Variants in WFS1 observed in about 807,000 individuals in gnomAD.
WFS1 encodes the protein wolframin.
WFS1 carries 90 observed loss-of-function variants against 68.5 expected under a neutral mutation model. The ratio of observed to expected loss-of-function variants is 1.31; its 90% CI spans 1.11 to 1.56. WFS1 has a LOEUF of 1.56. Ranked by LOEUF, WFS1 falls within the 40% of genes most tolerant of loss-of-function variation. The pLI, the probability that WFS1 is intolerant of heterozygous loss-of-function variation, is 0.00. For missense variants in WFS1, 1,767 were observed against 1,232.6 expected (o/e 1.43, Z -6.49); for synonymous variants, 860 against 540.7 (o/e 1.59, Z -8.19).
chr4:6,281,096 G>T (rs1002720615), intron 2 of WFS1, among the ~76,000 whole-genome samples: 1 of 152,182 alleles, frequency 6.6e-6, no homozygotes, highest in Admixed American at 6.5e-5. Flanking sequence ...AGCCATTGGG[G>T]GTAGGGGGAT....
In WFS1 at chr4:6,301,110, T is replaced by C. The variant is rs763469547; in HGVS notation, c.1315T>C (p.Phe439Leu). Residue 439 changes from phenylalanine (F) to leucine (L), a missense_variant, in exon 8 of 8, where the codon TTT becomes CTT. Transcript: ENST00000226760. ...CSELAVITGF[F>L]TVTSYLSLST... ...GGAGCTGGCTGTCATCACCGGCTTC[T>C]TTACCGTGACCAGCTACCTGAGCCT... is the stretch of plus-strand genomic sequence containing the variant. The C allele has an allele frequency of 5.0e-6, 8 of 1,613,812 alleles. No homozygotes were observed. Among genetic ancestry groups the C allele is most frequent in the Non-Finnish European group, 6.8e-6 (8 of 1,180,026 alleles).
intron 4 of WFS1, among the ~76,000 whole-genome samples, chr4:6,290,658 G>A (rs1730434755): frequency 6.6e-6 from 1 of 152,206 alleles, no homozygotes; most frequent in African/African-American, 2.4e-5. Context: ...GGCCGTTGGG[G>A]GTAAAGGGAG....
Position 6,301,049 on chromosome 4 carries a change from C to T in WFS1, c.1254C>T (p.Ser418=), listed in dbSNP as rs978741400. ...TCTCTGTCTTCTTCGTCATCTTCTC[C>T]TTCCCCATCGCCAGCAAGGACTGCA... is the stretch of plus-strand genomic sequence containing the variant. ...FLLSVFFVIF[S]FPIASKDCIP... is the part of the protein sequence containing the mutation. The change falls in exon 8 of 8, where the codon TCC becomes TCT. Residue 418 remains serine, a synonymous_variant. Coordinates refer to ENST00000226760, the MANE Select transcript of WFS1 (RefSeq NM_006005.3). 8.7e-6 allele frequency: 14 copies of T among 1,614,188 alleles called. No individual in the cohort carries two copies. The highest frequency in any genetic ancestry group is 1.6e-4 in the Middle Eastern group (1 of 6,062).
In WFS1 at chr4:6,288,951, G is replaced by A. The variant is rs71530913; in HGVS notation, c.316-36G>A. 1.8e-3 allele frequency: 2,912 copies of A among 1,600,596 alleles called. 4 individuals are homozygous for A. Among genetic ancestry groups the A allele is most frequent in the Non-Finnish European group, 2.3e-3 (2,735 of 1,174,204 alleles). On this transcript the variant is annotated intron_variant, in intron 3 of 7. Transcript: ENST00000226760. ...AGGGAGCATGGGGTGGGAGAGGGTCGGAGAATCTGGAGGCTGACTGGTGTC... is the reference window on the plus strand; with the variant it reads ...AGGGAGCATGGGGTGGGAGAGGGTCAGAGAATCTGGAGGCTGACTGGTGTC...
chr4:6,274,400 T>TAATC (rs1673738922), intron 1 of WFS1, among the ~76,000 whole-genome samples: 1 of 151,996 alleles, frequency 6.6e-6, no homozygotes, highest in South Asian at 2.1e-4. Context: ...GCCACACACG[T>TAATC]AATCCCCATA....
rs1730889704 is a variant in WFS1 at position 6,301,225 on chromosome 4, ATTGGCCCTACCTGAAGGTCC to A, written c.1437_1456del (p.Tyr480AspfsTer56). On this transcript the variant is annotated frameshift_variant, in exon 8 of 8. Coordinates refer to ENST00000226760, the MANE Select transcript of WFS1 (RefSeq NM_006005.3). LOFTEE classifies it high-confidence loss of function. ...TCGCTGCTGCCCTCCATGCCCTTGAATTGGCCCTACCTGAAGGTCCTTGGCCAGACCTTCATCACCGTGCC... is the reference window on the plus strand; with the variant it reads ...TCGCTGCTGCCCTCCATGCCCTTGAATTGGCCAGACCTTCATCACCGTGCC... 6.2e-7 allele frequency: 1 copy of A among 1,611,858 alleles called. No homozygotes were observed. The highest frequency in any genetic ancestry group is 1.3e-5 in the African/African-American group (1 of 74,928).
rs1269881078 is a variant in WFS1 at position 6,301,859 on chromosome 4, C to T, written c.2064C>T (p.Ile688=). The change falls in exon 8 of 8, where the codon ATC becomes ATT. Residue 688 remains isoleucine (I), a synonymous_variant. Coordinates refer to ENST00000226760, the MANE Select transcript of WFS1 (RefSeq NM_006005.3). ...WKETNMARTQ[I]LCSHLEGHRV... is the part of the protein sequence containing the mutation. ...AGACCAACATGGCGCGCACCCAGAT[C>T]CTCTGCAGCCACCTGGAGGGCCACA... 3.7e-6 allele frequency: 6 copies of T among 1,613,022 alleles called. No homozygotes were observed. Among genetic ancestry groups the T allele is most frequent in the Admixed American group, 3.3e-5 (2 of 60,030 alleles).
rs772392224 is a variant in WFS1 at position 6,300,810 on chromosome 4, G to A, written c.1015G>A (p.Asp339Asn). 1.2e-5 allele frequency: 19 copies of A among 1,613,912 alleles called. No homozygotes were observed. Among genetic ancestry groups the A allele is most frequent in the East Asian group, 6.7e-5 (3 of 44,860 alleles). ...CTTCATCGTCAGCAACCTCACCATC[G>A]ACTTCTTCGCCTTCTTCATCCCGCT... Reference protein sequence around the residue: ...FFFIVSNLTIDFFAFFIPLVI... With the variant: ...FFFIVSNLTINFFAFFIPLVI... The change falls in exon 8 of 8, where the codon GAC (aspartate) becomes AAC (asparagine). Residue 339 changes from aspartate to asparagine, a missense_variant. By Grantham distance (23) the Asp-to-Asn change is conservative. Transcript: ENST00000226760.
Position 6,301,215 on chromosome 4 carries a change from A to C in WFS1, c.1420A>C (p.Met474Leu), listed in dbSNP as rs773814197. 3 of 1,611,834 alleles carry C rather than the reference A, an allele frequency of 1.9e-6. No individual in the cohort carries two copies. The highest frequency in any genetic ancestry group is 2.7e-5 in the African/African-American group (2 of 74,872). Reference sequence around the variant, plus strand: ...CGGCCTGCTATCGCTGCTGCCCTCCATGCCCTTGAATTGGCCCTACCTGAA... The same window carrying C: ...CGGCCTGCTATCGCTGCTGCCCTCCCTGCCCTTGAATTGGCCCTACCTGAA... ...TAGLLSLLPS[M>L]PLNWPYLKVL... Residue 474 changes from methionine to leucine, a missense_variant, in exon 8 of 8, where the codon ATG (methionine) becomes CTG (leucine). Met to Leu is a conservative substitution (Grantham distance 15). Transcript: ENST00000226760.
Position 6,302,595 on chromosome 4 carries a change from C to T in WFS1, c.*127C>T. On this transcript the variant is annotated 3_prime_UTR_variant, in exon 8 of 8. Transcript: ENST00000226760. The stretch of plus-strand genomic sequence containing the variant: ...GTGTGCAGACTGTGGCTGCAGAGAC[C>T]TTGCGACCATGTGTAGATTGCGTGG... The T allele has an allele frequency of 1.4e-6, 2 of 1,397,660 alleles. No homozygotes were observed. Among genetic ancestry groups the T allele is most frequent in the Non-Finnish European group, 1.9e-6 (2 of 1,028,446 alleles). The allele number at this position is 1,397,660 out of a possible 1,614,324, so 86.6% of individuals were successfully genotyped here. A position where few individuals can be genotyped will look rare whatever the true frequency, so the allele number is the denominator to read the frequency against.
At chr4:6,299,679 CGGGTAGGTTGCGT>C (rs1730784028) in intron 7 of WFS1, among the ~76,000 whole-genome samples, 3 of 20,044 alleles carry the variant, frequency 1.5e-4, no homozygotes, top group African/African-American at 6.2e-4. Flanking sequence ...GGGTTGTTTG[CGGGTAGGTTGCGT>C]GTGTGTGAAT....
chr4:6,300,175 C>T lies in WFS1; in HGVS notation c.862-482C>T, dbSNP rs527421628. Among the ~76,000 whole-genome samples the T allele has an allele frequency of 3.3e-5, 5 of 152,266 alleles. No individual in the cohort carries two copies. In the East Asian group the frequency reaches 9.7e-4, roughly 29 times the overall value. Reference sequence around the variant, plus strand: ...CCCCTCCGGGGACTGCCTGCGGCTTCTCCTCCTCGTAAGGATCGCCATTTC... The same window carrying T: ...CCCCTCCGGGGACTGCCTGCGGCTTTTCCTCCTCGTAAGGATCGCCATTTC... On this transcript the variant is annotated intron_variant, in intron 7 of 7. Transcript: ENST00000226760.
At chr4:6,270,958 C>T (rs1729821003) in intron 1 of WFS1, among the ~76,000 whole-genome samples, 1 of 152,334 alleles carries the variant, frequency 6.6e-6, no homozygotes, top group Middle Eastern at 3.4e-3. Context: ...CCTATCTCTC[C>T]AGAAGCAGCC....
Position 6,302,607 on chromosome 4 carries a change from T to C in WFS1, c.*139T>C. 2 of 1,285,432 alleles carry C rather than the reference T, an allele frequency of 1.6e-6. No homozygotes were observed. Among genetic ancestry groups the C allele is most frequent in the South Asian group, 2.8e-5 (2 of 70,748 alleles). The allele number at this position is 1,285,432 out of a possible 1,614,324, so 79.6% of individuals were successfully genotyped here. A position where few individuals can be genotyped will look rare whatever the true frequency, so the allele number is the denominator to read the frequency against. On this transcript the variant is annotated 3_prime_UTR_variant, in exon 8 of 8. Transcript: ENST00000226760. ...TGGCTGCAGAGACCTTGCGACCATG[T>C]GTAGATTGCGTGGACCCCGACAAAG...
chr4:6,273,661 A>G (rs1445316997), intron 1 of WFS1, among the ~76,000 whole-genome samples: 1 of 152,254 alleles, frequency 6.6e-6, no homozygotes. Flanking sequence ...CAGGGCTCAC[A>G]GTGGCTGTAA....
chr4:6,288,898 G>A, intron 3 of WFS1, 89 bp from the exon 4 acceptor site: 2 of 1,549,432 alleles, frequency 1.3e-6, no homozygotes, highest in Non-Finnish European at 1.7e-6. Context: ...GGTGACAAAG[G>A]GAAGTGGGTG....
At chr4:6,273,497 G>T (rs1217527278) in intron 1 of WFS1, among the ~76,000 whole-genome samples, 1 of 152,176 alleles carries the variant, frequency 6.6e-6, no homozygotes, top group African/African-American at 2.4e-5. Context: ...GGGTCTGGGG[G>T]AGGGACTTGC....
At chr4:6,274,497 G>A (rs879435617) in intron 1 of WFS1, among the ~76,000 whole-genome samples, 9 of 152,050 alleles carry the variant, frequency 5.9e-5, no homozygotes, top group Non-Finnish European at 7.4e-5. Context: ...AAGGGTAACC[G>A]ACGCCCCACA....
At position 6,301,156 on chromosome 4, in the gene WFS1, ACACGCGCAGGGCCCTG is replaced by A. The variant is rs1730884546; in HGVS notation, c.1362_1377del (p.Tyr454Ter). 1 of 1,612,876 alleles carries A rather than the reference ACACGCGCAGGGCCCTG, an allele frequency of 6.2e-7. No homozygotes were observed. The highest frequency in any genetic ancestry group is 8.5e-7 in the Non-Finnish European group (1 of 1,179,964). ...AGCCTGAGCACCCATGCAGAGCCCT[ACACGCGCAGGGCCCTG>A]GCCACCGAGGTCACCGCCGGCCTGC... On this transcript the variant is annotated frameshift_variant, in exon 8 of 8. Coordinates refer to ENST00000226760, the MANE Select transcript of WFS1 (RefSeq NM_006005.3). LOFTEE classifies it high-confidence loss of function.
Sources: allele counts gnomAD v4.1 joint callset (sites outside exome capture counted in the v4.1 genomes callset), GRCh38; gene constraint gnomAD v4.1.1; transcripts MANE v1.5; gene names NCBI Gene and HGNC (gene_info 2026-07-23, HGNC 2026-07-21).